The following PLSCR5 variants were observed in gnomAD, a reference collection of about 807,000 sequenced individuals.
PLSCR5 encodes phospholipid scramblase family, member 5.
In PLSCR5, 44 loss-of-function variants were observed where a neutral mutation model predicts 33.6. That is an observed-to-expected ratio of 1.31 (90% CI 1.03 to 1.69). The LOEUF is 1.69. Among genes scored for constraint, PLSCR5 ranks in the 40% most tolerant of loss-of-function variants. The probability of loss-of-function intolerance (pLI) is 0.00; values close to 1 mark genes in which losing one functional copy is unlikely to be tolerated. For synonymous variants in PLSCR5, 148 were observed against 112.3 expected (o/e 1.32, Z -2.01); for missense variants, 375 against 318.7 (o/e 1.18, Z -1.34).
intron 2 of PLSCR5, among the ~76,000 whole-genome samples, chr3:146,596,491 T>C (rs890696175): frequency 2.0e-5 from 3 of 152,186 alleles, no homozygotes; most frequent in Non-Finnish European, 4.4e-5. Flanking sequence ...GTGCCTGGCC[T>C]ATTTGTGTTT....
chr3:146,604,854 T>G (rs2044851125), intron 1 of PLSCR5, among the ~76,000 whole-genome samples: 1 of 152,118 alleles, frequency 6.6e-6, no homozygotes, highest in South Asian at 2.1e-4. Flanking sequence ...TGTGAAAAGT[T>G]TTCTTCAAAT....
At chr3:146,599,154 A>T (rs1233708972) in intron 2 of PLSCR5, among the ~76,000 whole-genome samples, 17 of 152,220 alleles carry the variant, frequency 1.1e-4, no homozygotes, top group Admixed American at 1.1e-3. Flanking sequence ...GAATAGCAAT[A>T]GCTGAATTTT....
intron 7 of PLSCR5, among the ~76,000 whole-genome samples, chr3:146,579,211 G>A (rs1260574905): frequency 6.6e-6 from 1 of 151,746 alleles, no homozygotes; most frequent in African/African-American, 2.4e-5. Context: ...TTTCTTCCAA[G>A]GTGAGCAAAA....
chr3:146,593,348 G>A (rs2044730749), intron 4 of PLSCR5, among the ~76,000 whole-genome samples: 1 of 152,094 alleles, frequency 6.6e-6, no homozygotes, highest in Non-Finnish European at 1.5e-5. Context: ...AACTGCATAA[G>A]TCAATGAAAG....
rs189480934 is a variant in PLSCR5, at chr3:146,596,100, T to C, written c.190-1017A>G. Among the ~76,000 whole-genome samples the C allele has an allele frequency of 4.6e-4, 68 of 147,998 alleles. 1 individual carries two copies. The East Asian group carries it at 0.012, about 27-fold the overall frequency. On this transcript the variant is annotated intron_variant, in intron 2 of 7. Coordinates refer to ENST00000443512, the MANE Select transcript of PLSCR5 (RefSeq NM_001085420.2). ...AAAGTATCCACAGATAATTGAGAAA[T>C]GATGATTAAATTAAAAAATCTGTAA...
chr3:146,577,599 C>G (rs2044607197), intron 7 of PLSCR5, among the ~76,000 whole-genome samples: 1 of 152,036 alleles, frequency 6.6e-6, no homozygotes, highest in Admixed American at 6.6e-5. Context: ...GGAATATATG[C>G]ATTCACTAAA....
intron 4 of PLSCR5, among the ~76,000 whole-genome samples, chr3:146,592,142 G>A (rs1285608263): frequency 1.3e-5 from 2 of 151,914 alleles, no homozygotes; most frequent in African/African-American, 4.8e-5. Flanking sequence ...TCTACCCCAC[G>A]ACTATCTTCT....
downstream of PLSCR5, among the ~76,000 whole-genome samples, chr3:146,581,807 G>T (rs113446558): frequency 6.6e-6 from 1 of 150,772 alleles, no homozygotes. Context: ...CACTTTTATT[G>T]GTCAATTATA....
At chr3:146,580,756 C>T (rs901487232) in intron 7 of PLSCR5, among the ~76,000 whole-genome samples, 1 of 152,176 alleles carries the variant, frequency 6.6e-6, no homozygotes, top group African/African-American at 2.4e-5. Flanking sequence ...AGCCACCGCG[C>T]CTGCCCCGCA....
intron 6 of PLSCR5, among the ~76,000 whole-genome samples, chr3:146,588,200 G>C (rs2044680370): frequency 6.6e-6 from 1 of 152,168 alleles, no homozygotes; most frequent in South Asian, 2.1e-4. Context: ...GCTGGGCAAG[G>C]TGGCTCACAC....
At chr3:146,580,730 T>TG (rs2044628293) in intron 7 of PLSCR5, among the ~76,000 whole-genome samples, 1 of 152,212 alleles carries the variant, frequency 6.6e-6, no homozygotes, top group Admixed American at 6.5e-5. Context: ...CTCAAAGTGC[T>TG]GGGATTATAG....
At chr3:146,594,449 A>G (rs188928062) in intron 3 of PLSCR5, among the ~76,000 whole-genome samples, 89 of 152,260 alleles carry the variant, frequency 5.8e-4, no homozygotes, top group African/African-American at 2.1e-3. Flanking sequence ...AGCTCAAAAA[A>G]TAATTATATT....
intron 7 of PLSCR5, chr3:146,576,820 T>C (rs1576813378): frequency 6.6e-6 from 1 of 152,032 alleles, no homozygotes; most frequent in Non-Finnish European, 1.5e-5. Context: ...AGTACTATAA[T>C]ATAAAGGCTC....
chr3:146,593,974 T>C lies in PLSCR5; in HGVS notation c.399A>G (p.Thr133=). The change falls in exon 4 of 8, where the codon ACA becomes ACG. Residue 133 remains threonine, a synonymous_variant. Coordinates refer to ENST00000443512, the MANE Select transcript of PLSCR5 (RefSeq NM_001085420.2). The part of the protein sequence containing the change: ...ITDNSGREVI[T]VNRPLRCNSC... ...TGTTACATCTCAAGGGCCTGTTCACTGTAATGACCTCTCGACCTGAGTTAT... is the reference window on the plus strand; with the variant it reads ...TGTTACATCTCAAGGGCCTGTTCACCGTAATGACCTCTCGACCTGAGTTAT... 1.9e-6 allele frequency: 3 copies of C among 1,613,838 alleles called. No individual in the cohort carries two copies. Among genetic ancestry groups the C allele is most frequent in the Non-Finnish European group, 1.7e-6 (2 of 1,179,802 alleles).
intron 1 of PLSCR5, among the ~76,000 whole-genome samples, chr3:146,602,871 G>A (rs973952878): frequency 1.3e-5 from 2 of 152,068 alleles, no homozygotes; most frequent in African/African-American, 2.4e-5. Flanking sequence ...GGAGCTCAGA[G>A]GATATTGTGT....
intron 1 of PLSCR5, among the ~76,000 whole-genome samples, chr3:146,603,075 A>T (rs1045615620): frequency 9.9e-5 from 15 of 152,094 alleles, no homozygotes; most frequent in African/African-American, 3.6e-4. Context: ...GTTAATTTCT[A>T]CTAAGCCAGG....
chr3:146,578,926 C>T (rs1450659509), intron 7 of PLSCR5, among the ~76,000 whole-genome samples: 1 of 151,768 alleles, frequency 6.6e-6, no homozygotes, highest in Non-Finnish European at 1.5e-5. Flanking sequence ...AGAGGCTCAG[C>T]CAGCAAAAGT....
intron 4 of PLSCR5, among the ~76,000 whole-genome samples, chr3:146,593,120 G>A (rs2044729226): frequency 6.6e-6 from 1 of 152,044 alleles, no homozygotes; most frequent in African/African-American, 2.4e-5. Flanking sequence ...AGAAGGTTGG[G>A]CTTAAATTAG....
chr3:146,587,379 C>T (rs1406602539), intron 6 of PLSCR5, among the ~76,000 whole-genome samples: 1 of 152,202 alleles, frequency 6.6e-6, no homozygotes. Context: ...GTTTAAAATA[C>T]AGAGAACTGT....
Sources: allele counts gnomAD v4.1 joint callset (sites outside exome capture counted in the v4.1 genomes callset), GRCh38; gene constraint gnomAD v4.1.1; transcripts MANE v1.5; gene names NCBI Gene and HGNC (gene_info 2026-07-23, HGNC 2026-07-21).